SLC2A13: variants seen among roughly 807,000 people sequenced by gnomAD.
SLC2A13 encodes proton myo-inositol cotransporter.
Under a neutral mutation model 64.4 loss-of-function variants are expected in SLC2A13, and 32 were observed. The observed-to-expected ratio is 0.50, with a 90% confidence interval of 0.37 to 0.67. The LOEUF (loss-of-function observed/expected upper bound fraction) is 0.67. SLC2A13 is among the 30% of genes least tolerant of loss of function. The pLI, the probability that SLC2A13 is intolerant of heterozygous loss-of-function variation, is 0.00. For missense variants in SLC2A13, 743 were observed against 829.2 expected (o/e 0.90, Z 1.28); for synonymous variants, 338 against 327.1 (o/e 1.03, Z -0.36).
chr12:40,049,038 C>A (rs1311918992), intron 1 of SLC2A13, among the ~76,000 whole-genome samples: 1 of 152,058 alleles, frequency 6.6e-6, no homozygotes, highest in African/African-American at 2.4e-5. Flanking sequence ...TTAAGCCAAT[C>A]CAAATGATTT....
intron 7 of SLC2A13, among the ~76,000 whole-genome samples, chr12:39,814,358 A>G (rs563752692): frequency 6.6e-6 from 1 of 152,198 alleles, no homozygotes; most frequent in Non-Finnish European, 1.5e-5. Flanking sequence ...AAACTAGCCT[A>G]AACTTTTTCC....
intron 4 of SLC2A13, among the ~76,000 whole-genome samples, chr12:39,878,956 C>T (rs570550010): frequency 6.6e-6 from 1 of 152,360 alleles, no homozygotes; most frequent in East Asian, 1.9e-4. Flanking sequence ...GAGCCTACTG[C>T]CCTGTGCAGC....
intron 1 of SLC2A13, among the ~76,000 whole-genome samples, chr12:40,065,997 T>C (rs780538108): frequency 4.6e-5 from 7 of 152,210 alleles, no homozygotes; most frequent in Non-Finnish European, 8.8e-5. Context: ...ACAGTCCCTC[T>C]AAAAGTATTT....
chr12:39,930,224 C>A (rs1409127320), intron 4 of SLC2A13, among the ~76,000 whole-genome samples: 1 of 151,734 alleles, frequency 6.6e-6, no homozygotes, highest in East Asian at 1.9e-4. Context: ...ACTGTATGAG[C>A]CATTTCAGCA....
At chr12:40,029,429 T>C (rs1947871905) in intron 2 of SLC2A13, among the ~76,000 whole-genome samples, 1 of 152,218 alleles carries the variant, frequency 6.6e-6, no homozygotes, top group South Asian at 2.1e-4. Context: ...AGGTATGTTC[T>C]AGGGTAGATT....
intron 7 of SLC2A13, among the ~76,000 whole-genome samples, chr12:39,810,364 A>C (rs559541150): frequency 6.6e-6 from 1 of 152,324 alleles, no homozygotes; most frequent in Admixed American, 6.5e-5. Context: ...ATTTTTCTAC[A>C]ATGACCTTTT....
chr12:40,027,605 G>A (rs1469332931), intron 3 of SLC2A13, among the ~76,000 whole-genome samples: 1 of 152,166 alleles, frequency 6.6e-6, no homozygotes, highest in Non-Finnish European at 1.5e-5. Flanking sequence ...ATTTTCTCAG[G>A]TATGAAAAAT....
chr12:39,814,383 G>A (rs1036258155), intron 7 of SLC2A13, among the ~76,000 whole-genome samples: 1 of 152,158 alleles, frequency 6.6e-6, no homozygotes, highest in Non-Finnish European at 1.5e-5. Context: ...AGAGAGTAAA[G>A]AGAAAACATC....
rs1423250387 is a variant in SLC2A13 at position 39,758,680 on chromosome 12, T to C, written c.*1346A>G. The C allele has an allele frequency of 6.6e-6, 1 of 152,038 alleles. No homozygotes were observed. The highest frequency in any genetic ancestry group is 2.4e-5 in the African/African-American group (1 of 41,422). 9.4% of individuals were successfully genotyped at this position (152,038 alleles called of 1,614,324 possible). A position where few individuals can be genotyped will look rare whatever the true frequency, so the allele number is the denominator to read the frequency against. On this transcript the variant is annotated 3_prime_UTR_variant, in exon 10 of 10. Coordinates refer to ENST00000280871, the MANE Select transcript of SLC2A13 (RefSeq NM_052885.4). ...AATATAATTAAGCCTGCATTTCTTA[T>C]AGACGTGCTATATTAGAACCAATTA... is the stretch of plus-strand genomic sequence containing the variant.
At chr12:39,793,238 AT>A (rs1185532983) in intron 7 of SLC2A13, among the ~76,000 whole-genome samples, 1 of 152,192 alleles carries the variant, frequency 6.6e-6, no homozygotes, top group East Asian at 1.9e-4. Context: ...TCTATTTATA[AT>A]AGCACTAGAA....
At chr12:39,830,434 C>CA (rs1942821673) in intron 6 of SLC2A13, 3 of 1,277,392 alleles carry the variant, frequency 2.3e-6, no homozygotes, top group Non-Finnish European at 3.0e-6. Flanking sequence ...TTGGCCACAG[C>CA]AACTTTGGAA....
chr12:40,098,025 ATG>A (rs1420959995), intron 1 of SLC2A13, among the ~76,000 whole-genome samples: 1 of 143,974 alleles, frequency 6.9e-6, no homozygotes, highest in African/African-American at 2.7e-5. Flanking sequence ...ATATGTGTAT[ATG>A]TATGTATATA....
At chr12:40,024,502 C>CT (rs1311394684) in intron 3 of SLC2A13, among the ~76,000 whole-genome samples, 1 of 152,200 alleles carries the variant, frequency 6.6e-6, no homozygotes, top group Non-Finnish European at 1.5e-5. Flanking sequence ...TCAAGTTCAT[C>CT]TCTTCAGAGA....
intron 4 of SLC2A13, among the ~76,000 whole-genome samples, chr12:39,915,722 G>A (rs1945510981): frequency 6.6e-6 from 1 of 151,834 alleles, no homozygotes; most frequent in Admixed American, 6.6e-5. Context: ...GACCAAGCTG[G>A]TTCATCAAAG....
intron 4 of SLC2A13, among the ~76,000 whole-genome samples, chr12:39,897,604 T>G (rs1406269497): frequency 6.6e-6 from 1 of 152,194 alleles, no homozygotes; most frequent in Non-Finnish European, 1.5e-5. Flanking sequence ...ACCAACCACA[T>G]GCAGCTCTTG....
At chr12:39,778,844 T>C (rs1276845593) in intron 7 of SLC2A13, among the ~76,000 whole-genome samples, 1 of 152,118 alleles carries the variant, frequency 6.6e-6, no homozygotes, top group Non-Finnish European at 1.5e-5. Context: ...GCAACATCTA[T>C]AGGGGTATAG....
intron 7 of SLC2A13, among the ~76,000 whole-genome samples, chr12:39,789,734 T>C (rs1483053683): frequency 2.0e-5 from 3 of 152,192 alleles, no homozygotes; most frequent in Non-Finnish European, 4.4e-5. Context: ...TCCATTAACC[T>C]AGTTGATAAA....
intron 1 of SLC2A13, among the ~76,000 whole-genome samples, chr12:40,077,286 TTTTATG>T (rs1344870391): frequency 1.2e-4 from 18 of 152,150 alleles, no homozygotes; most frequent in African/African-American, 1.7e-4. Context: ...CAGTTTTAGG[TTTTATG>T]TTTAAGTCTT....
At chr12:40,096,665 T>C (rs973849997) in intron 1 of SLC2A13, among the ~76,000 whole-genome samples, 10 of 152,034 alleles carry the variant, frequency 6.6e-5, no homozygotes, top group Admixed American at 1.3e-4. Context: ...TTCCAAACAG[T>C]TGGATCTATC....
Sources: gnomAD v4.1 joint callset for allele counts (sites outside exome capture counted in the v4.1 genomes callset) on GRCh38, gnomAD v4.1.1 for gene constraint, MANE v1.5 for transcripts, NCBI Gene and HGNC (gene_info 2026-07-23, HGNC 2026-07-21) for gene names.